The following EFNA3 variants were observed in gnomAD, a reference collection of about 807,000 sequenced individuals.
EFNA3 encodes ephrin-A3.
EFNA3 carries 15 observed loss-of-function variants against 25.0 expected under a neutral mutation model. That is an observed-to-expected ratio of 0.60 (90% CI 0.40 to 0.92). The LOEUF is 0.92. EFNA3 is among the 40% of genes least tolerant of loss of function. EFNA3 has a pLI of 0.00. For missense variants in EFNA3, 298 were observed against 323.8 expected (o/e 0.92, Z 0.61); for synonymous variants, 153 against 145.6 (o/e 1.05, Z -0.37).
At chr1:155,084,000 T>C (rs1046279520) in intron 1 of EFNA3, among the ~76,000 whole-genome samples, 24 of 152,336 alleles carry the variant, frequency 1.6e-4, no homozygotes, top group African/African-American at 5.3e-4. Context: ...ATCGAGGGTG[T>C]TAAGACCAAC....
chr1:155,080,070 G>T lies in EFNA3; in HGVS notation c.128+1001G>T, dbSNP rs1479142642. ...TCTCCTCCCCGCCAAGCCGCCGTGTGTATCTCCCTGGCCACATCAGTGTGT... is the reference window on the plus strand; with the variant it reads ...TCTCCTCCCCGCCAAGCCGCCGTGTTTATCTCCCTGGCCACATCAGTGTGT... On this transcript the variant is annotated intron_variant, in intron 1 of 4. Coordinates refer to ENST00000368408, the MANE Select transcript of EFNA3 (RefSeq NM_004952.5). This position sits in a 1 kb window ranked among gnomAD's most constrained non-coding sequence, Gnocchi z 7.0. 6.6e-6 allele frequency among the ~76,000 whole-genome samples: 1 copy of T among 152,126 alleles called. No individual in the cohort carries two copies. Among genetic ancestry groups the T allele is most frequent in the Non-Finnish European group, 1.5e-5 (1 of 68,012 alleles).
rs1176098126 is a variant in EFNA3 at position 155,078,918 on chromosome 1, G to A, written c.-24G>A. The A allele has an allele frequency of 1.9e-5, 26 of 1,361,284 alleles. 1 individual carries two copies. The East Asian group carries it at 6.6e-4, about 35-fold the overall frequency. The allele number at this position is 1,361,284 out of a possible 1,614,324, so 84.3% of individuals were successfully genotyped here. ...CGGGAGCGCGGGGCTCAGTCGGGGG[G>A]CGGCGGCGGCGGCGGCTCCGGGGAT... On this transcript the variant is annotated 5_prime_UTR_variant, in exon 1 of 5. Transcript: ENST00000368408.
At position 155,081,075 on chromosome 1, in the gene EFNA3, G is replaced by T. The variant is rs1055167072; in HGVS notation, c.128+2006G>T. Among the ~76,000 whole-genome samples the T allele has an allele frequency of 6.6e-6, 1 of 152,196 alleles. No individual in the cohort carries two copies. Among genetic ancestry groups the T allele is most frequent in the Admixed American group, 6.5e-5 (1 of 15,282 alleles). ...CTGGCTCCCACCTCCCGTCACGTGC[G>T]GAGGGTCTCTGCCCCTTGGGGTCAC... On this transcript the variant is annotated intron_variant, in intron 1 of 4. Transcript: ENST00000368408. This position sits in a 1 kb window ranked among gnomAD's most constrained non-coding sequence, Gnocchi z 5.2.
Position 155,085,106 on chromosome 1 carries a change from C to T in EFNA3, c.144C>T (p.Gly48=), listed in dbSNP as rs1663427178. 1.2e-6 allele frequency: 2 copies of T among 1,613,794 alleles called. No homozygotes were observed. Among genetic ancestry groups the T allele is most frequent in the South Asian group, 1.1e-5 (1 of 91,084 alleles). The change falls in exon 2 of 5, where the codon GGC becomes GGT. Residue 48 remains glycine (G), a synonymous_variant. Transcript: ENST00000368408. The surrounding 1 kb of genome is among the most constrained non-coding windows in gnomAD (Gnocchi z 4.4). Reference sequence around the variant, plus strand: ...TTCCCCACAGCCTGCGGCGAGAGGGCTACACCGTGCAGGTGAACGTGAACG... The same window carrying T: ...TTCCCCACAGCCTGCGGCGAGAGGGTTACACCGTGCAGGTGAACGTGAACG... ...NSSNQHLRRE[G]YTVQVNVNDY...
Position 155,081,737 on chromosome 1 carries a change from T to G in EFNA3, c.128+2668T>G, listed in dbSNP as rs1663345970. On this transcript the variant is annotated intron_variant, in intron 1 of 4. Transcript: ENST00000368408. This position sits in a 1 kb window ranked among gnomAD's most constrained non-coding sequence, Gnocchi z 5.2. ...CTCTCCTGTTCTCCAAGACTCTCGG[T>G]TCTCGTTCTCTTCCCTGCCTCTCTC... Among the ~76,000 whole-genome samples the G allele has an allele frequency of 6.6e-6, 1 of 152,078 alleles. No individual in the cohort carries two copies. The highest frequency in any genetic ancestry group is 6.5e-5 in the Admixed American group (1 of 15,280).
At position 155,086,604 on chromosome 1, in the gene EFNA3, TTGGCCTCTCCAAGGGAA is replaced by T; in HGVS notation, c.*62_*78del. ...GGGGCTTGGAAGGAGCAGGGAGCCT[TTGGCCTCTCCAAGGGAA>T]GCCTAGTGGGCCTAGACCCCTCCTC... On this transcript the variant is annotated 3_prime_UTR_variant, in exon 5 of 5. Transcript: ENST00000368408. 5.6e-6 allele frequency: 9 copies of T among 1,594,604 alleles called. No individual in the cohort carries two copies. In the South Asian group the frequency reaches 1.0e-4, roughly 18 times the overall value.
At chr1:155,086,303 AC>A in intron 4 of EFNA3, 98 bp downstream of exon 4, 1 of 1,596,242 alleles carries the variant, frequency 6.3e-7, no homozygotes, top group Non-Finnish European at 8.6e-7. Context: ...GGGCACTGAT[AC>A]TTCCTACCCT....
rs1188208965 is a variant in EFNA3, at chr1:155,081,144, C to T, written c.128+2075C>T. Among the ~76,000 whole-genome samples, 4 of 152,212 alleles carry T rather than the reference C, an allele frequency of 2.6e-5. No homozygotes were observed. Among genetic ancestry groups the T allele is most frequent in the Admixed American group, 6.5e-5 (1 of 15,282 alleles). On this transcript the variant is annotated intron_variant, in intron 1 of 4. Coordinates refer to ENST00000368408, the MANE Select transcript of EFNA3 (RefSeq NM_004952.5). The surrounding 1 kb of genome is among the most constrained non-coding windows in gnomAD (Gnocchi z 5.2). ...CCCCGCCTCCTGGGGGGGTCACGTG[C>T]GTCGGCCTCCTTTGACAGACCTGGG...
rs1320520169 is a variant in EFNA3 at position 155,086,817 on chromosome 1, T to G, written c.*274T>G. 3.2e-5 allele frequency: 13 copies of G among 406,848 alleles called. No homozygotes were observed. The allele number at this position is 406,848 out of a possible 1,614,324, so 25.2% of individuals were successfully genotyped here. A position where few individuals can be genotyped will look rare whatever the true frequency, so the allele number is the denominator to read the frequency against. On this transcript the variant is annotated 3_prime_UTR_variant, in exon 5 of 5. Transcript: ENST00000368408. ...ACTTGGGGGCCAAAAAGGGCAGTGC[T>G]CAGGACTCCCTGGCCCCTGGTACCT... is the stretch of plus-strand genomic sequence containing the variant.
Sources: gnomAD v4.1 joint callset for allele counts (sites outside exome capture counted in the v4.1 genomes callset) on GRCh38, gnomAD v4.1.1 for gene constraint, Gnocchi (gnomAD v3.1) non-coding constraint, MANE v1.5 for transcripts, NCBI Gene and HGNC (gene_info 2026-07-23, HGNC 2026-07-21) for gene names.